PDGFD: variants seen among roughly 807,000 people sequenced by gnomAD.
PDGFD encodes platelet derived growth factor D.
In PDGFD, 30 loss-of-function variants were observed where a neutral mutation model predicts 44.7. The ratio of observed to expected loss-of-function variants is 0.67; its 90% CI spans 0.50 to 0.91. The LOEUF (loss-of-function observed/expected upper bound fraction) is 0.91. Among genes scored for constraint, PDGFD ranks in the 40% least tolerant of loss-of-function variants. The probability of loss-of-function intolerance (pLI) is 0.00; values close to 1 mark genes in which losing one functional copy is unlikely to be tolerated. For missense variants in PDGFD, 445 were observed against 457.8 expected (o/e 0.97, Z 0.25); for synonymous variants, 173 against 168.4 (o/e 1.03, Z -0.21).
At position 103,943,546 on chromosome 11, in the gene PDGFD, G is replaced by A; in HGVS notation, c.678C>T (p.Tyr226=). ...CTTCTTGCCATGACTCTGGATTGAA[G>A]TACTTGAGCAGATCTTCCACTGTAT... ...EFDTVEDLLK[Y]FNPESWQEDL... The change falls in exon 5 of 7, where the codon TAC becomes TAT. Residue 226 remains tyrosine, a synonymous_variant. Transcript: ENST00000393158. 1 of 1,613,338 alleles carries A rather than the reference G, an allele frequency of 6.2e-7. No homozygotes were observed. Among genetic ancestry groups the A allele is most frequent in the Non-Finnish European group, 8.5e-7 (1 of 1,179,612 alleles).
At chr11:104,064,416 C>G (rs906692542) in intron 1 of PDGFD, among the ~76,000 whole-genome samples, 1 of 152,312 alleles carries the variant, frequency 6.6e-6, no homozygotes, top group Non-Finnish European at 1.5e-5. Flanking sequence ...ACATAACTAT[C>G]CTTTCCGTGA....
intron 1 of PDGFD, among the ~76,000 whole-genome samples, chr11:104,059,434 A>T (rs1230220899): frequency 6.6e-6 from 1 of 152,202 alleles, no homozygotes; most frequent in East Asian, 1.9e-4. Context: ...TGATAAACTA[A>T]ATACAAAGTA....
intron 5 of PDGFD, among the ~76,000 whole-genome samples, chr11:103,942,083 G>A (rs1388731511): frequency 6.6e-6 from 1 of 152,058 alleles, no homozygotes; most frequent in Non-Finnish European, 1.5e-5. Flanking sequence ...TAAGCAGAAG[G>A]CCCAGGCAGG....
chr11:104,056,779 AT>A lies in PDGFD; in HGVS notation c.125-56525del, dbSNP rs199731201. 8.4e-3 allele frequency among the ~76,000 whole-genome samples: 1,280 copies of A among 152,286 alleles called. 22 individuals carry two copies. The highest frequency in any genetic ancestry group is 0.029 in the African/African-American group (1,192 of 41,552). On this transcript the variant is annotated intron_variant, in intron 1 of 6. Coordinates refer to ENST00000393158, the MANE Select transcript of PDGFD (RefSeq NM_025208.5). ...ATTATTTCATACAAAAATAAACTGCATTTTTTTATATACTAGCAGTGAACCC... is the reference window on the plus strand; with the variant it reads ...ATTATTTCATACAAAAATAAACTGCATTTTTTATATACTAGCAGTGAACCC...
At chr11:103,969,482 T>TTTG (rs1859070348) in intron 3 of PDGFD, among the ~76,000 whole-genome samples, 1 of 147,824 alleles carries the variant, frequency 6.8e-6, no homozygotes, top group African/African-American at 2.5e-5. Flanking sequence ...TGGTTTTTTT[T>TTTG]TTTTTTTTTT....
In PDGFD at chr11:103,909,638, C is replaced by T; in HGVS notation, c.*56G>A. On this transcript the variant is annotated 3_prime_UTR_variant, in exon 7 of 7. Transcript: ENST00000393158. ...CTGGTAGGAAAAGGGTCTCTTATCT[C>T]ACCCTCCTTAAACTAAAGGTTCTTT... 1.2e-6 allele frequency: 2 copies of T among 1,602,660 alleles called. No individual in the cohort carries two copies. The highest frequency in any genetic ancestry group is 1.1e-5 in the South Asian group (1 of 90,476).
intron 1 of PDGFD, among the ~76,000 whole-genome samples, chr11:104,007,782 T>C (rs531693596): frequency 6.6e-6 from 1 of 152,360 alleles, no homozygotes; most frequent in Non-Finnish European, 1.5e-5. Flanking sequence ...TTGCCCAGAA[T>C]GTAGTTGAAT....
chr11:104,120,913 T>G (rs11226185), intron 1 of PDGFD, among the ~76,000 whole-genome samples: 1 of 151,820 alleles, frequency 6.6e-6, no homozygotes, highest in Admixed American at 6.6e-5. Context: ...ATATTTGGCT[T>G]TGTTCTCCTC....
chr11:104,015,753 C>T (rs1474782208), intron 1 of PDGFD, among the ~76,000 whole-genome samples: 1 of 152,126 alleles, frequency 6.6e-6, no homozygotes, highest in East Asian at 1.9e-4. Context: ...CACAAAGTTA[C>T]AATATCATGT....
At chr11:104,150,957 C>T (rs1862235364) in intron 1 of PDGFD, among the ~76,000 whole-genome samples, 1 of 152,138 alleles carries the variant, frequency 6.6e-6, no homozygotes, top group Admixed American at 6.5e-5. Flanking sequence ...ATAGGACAAA[C>T]CCCAACACAC....
chr11:104,155,789 T>C (rs972714128), intron 1 of PDGFD, among the ~76,000 whole-genome samples: 11 of 152,224 alleles, frequency 7.2e-5, no homozygotes, highest in Non-Finnish European at 1.6e-4. Context: ...GTTGCTACAT[T>C]GCTTATTAAA....
chr11:104,090,620 C>A (rs1180293110), intron 1 of PDGFD, among the ~76,000 whole-genome samples: 2 of 52,286 alleles, frequency 3.8e-5, no homozygotes, highest in African/African-American at 6.5e-5. Context: ...CAGAGTGAGA[C>A]CCTGTCTCAA....
Position 104,071,451 on chromosome 11 carries a change from A to T in PDGFD, c.125-71196T>A, listed in dbSNP as rs956842940. Among the ~76,000 whole-genome samples the T allele has an allele frequency of 5.3e-5, 8 of 151,024 alleles. No homozygotes were observed. The East Asian group carries it at 1.2e-3, about 22-fold the overall frequency. On this transcript the variant is annotated intron_variant, in intron 1 of 6. Transcript: ENST00000393158. Reference sequence around the variant, plus strand: ...GTGCGTGTGTGTGTGTGTGTGTGTTATATATAAATTGTTTATGCTTGTTGG... The same window carrying T: ...GTGCGTGTGTGTGTGTGTGTGTGTTTTATATAAATTGTTTATGCTTGTTGG...
chr11:103,985,728 C>G (rs2134355237), intron 3 of PDGFD, among the ~76,000 whole-genome samples: 1 of 152,234 alleles, frequency 6.6e-6, no homozygotes, highest in Non-Finnish European at 1.5e-5. Flanking sequence ...ACATGGAAGA[C>G]TCTCAGTATC....
chr11:103,964,575 AT>A (rs1858986149), intron 3 of PDGFD, among the ~76,000 whole-genome samples: 1 of 152,004 alleles, frequency 6.6e-6, no homozygotes, highest in South Asian at 2.1e-4. Context: ...TCCTTCCCAT[AT>A]CCCCTAGTGG....
intron 1 of PDGFD, among the ~76,000 whole-genome samples, chr11:104,017,698 A>C (rs1859879806): frequency 6.6e-6 from 1 of 152,196 alleles, no homozygotes. Flanking sequence ...CATATGCCTT[A>C]AAAGACTCAG....
At chr11:103,992,483 T>C (rs1227224624) in intron 3 of PDGFD, among the ~76,000 whole-genome samples, 1 of 152,224 alleles carries the variant, frequency 6.6e-6, no homozygotes, top group Non-Finnish European at 1.5e-5. Flanking sequence ...ATTCCAATTA[T>C]TACTCCCATT....
At chr11:104,153,455 T>C (rs571238445) in intron 1 of PDGFD, among the ~76,000 whole-genome samples, 4 of 152,116 alleles carry the variant, frequency 2.6e-5, no homozygotes, top group East Asian at 1.9e-4. Context: ...GGGCTTATGA[T>C]AGAAATACAG....
Position 103,921,440 on chromosome 11 carries a change from T to G in PDGFD, c.987+5472A>C, listed in dbSNP as rs569920418. 2.6e-5 allele frequency among the ~76,000 whole-genome samples: 4 copies of G among 152,274 alleles called. No individual in the cohort carries two copies. The South Asian group carries it at 8.3e-4, about 32-fold the overall frequency. On this transcript the variant is annotated intron_variant, in intron 6 of 6. Transcript: ENST00000393158. Reference sequence around the variant, plus strand: ...AAAAACAAAGTACTATTCTTTTACCTCAAATCTGAAGGTCAACAGTGTATT... The same window carrying G: ...AAAAACAAAGTACTATTCTTTTACCGCAAATCTGAAGGTCAACAGTGTATT...
Sources: gnomAD v4.1 joint callset for allele counts (sites outside exome capture counted in the v4.1 genomes callset) on GRCh38, gnomAD v4.1.1 for gene constraint, MANE v1.5 for transcripts, NCBI Gene and HGNC (gene_info 2026-07-23, HGNC 2026-07-21) for gene names.